MYT1L: variants seen among roughly 807,000 people sequenced by gnomAD.
The protein encoded by MYT1L is myelin transcription factor 1 like.
In MYT1L, 12 loss-of-function variants were observed where a neutral mutation model predicts 126.7. The ratio of observed to expected loss-of-function variants is 0.09; its 90% CI spans 0.06 to 0.15. MYT1L has a LOEUF of 0.15. MYT1L is among the 10% of genes least tolerant of loss of function. The pLI, the probability that MYT1L is intolerant of heterozygous loss-of-function variation, is 1.00. For synonymous variants in MYT1L, 541 were observed against 604.2 expected (o/e 0.90, Z 1.53); for missense variants, 979 against 1,585.2 (o/e 0.62, Z 6.49).
chr2:2,265,300 G>T (rs114026225), intron 2 of MYT1L, among the ~76,000 whole-genome samples: 1 of 151,654 alleles, frequency 6.6e-6, no homozygotes, highest in South Asian at 2.1e-4. Context: ...GAGCCACCGC[G>T]CCTGGCCCAT....
At chr2:2,107,211 A>G (rs2078858517) in intron 3 of MYT1L, among the ~76,000 whole-genome samples, 1 of 152,208 alleles carries the variant, frequency 6.6e-6, no homozygotes, top group African/African-American at 2.4e-5. Context: ...TGGGCAGGGA[A>G]GACCATCACC....
chr2:2,121,069 C>T (rs2080932023), intron 3 of MYT1L, among the ~76,000 whole-genome samples: 1 of 152,206 alleles, frequency 6.6e-6, no homozygotes, highest in Non-Finnish European at 1.5e-5. Context: ...GCCCCCCAGC[C>T]CGTGGATCGA....
At chr2:2,120,394 T>C (rs565025905) in intron 3 of MYT1L, among the ~76,000 whole-genome samples, 1 of 152,222 alleles carries the variant, frequency 6.6e-6, no homozygotes, top group South Asian at 2.1e-4. Context: ...GACTATAACT[T>C]AACCTGTTTC....
Position 2,224,452 on chromosome 2 carries a change from G to A in MYT1L, c.-420-51464C>T, listed in dbSNP as rs1271245300. On this transcript the variant is annotated intron_variant, in intron 2 of 24. Transcript: ENST00000647738. The surrounding 1 kb of genome is among the most constrained non-coding windows in gnomAD (Gnocchi z 4.0). Reference sequence around the variant, plus strand: ...TCTTTCTAATTGCAAACGTTTGCCAGTGAGAAGAAAAGGAATTAGATTAGG... The same window carrying A: ...TCTTTCTAATTGCAAACGTTTGCCAATGAGAAGAAAAGGAATTAGATTAGG... Among the ~76,000 whole-genome samples the A allele has an allele frequency of 6.6e-6, 1 of 152,150 alleles. No individual in the cohort carries two copies. The highest frequency in any genetic ancestry group is 2.4e-5 in the African/African-American group (1 of 41,436).
chr2:2,221,632 C>T (rs545879991), intron 2 of MYT1L, among the ~76,000 whole-genome samples: 70 of 152,264 alleles, frequency 4.6e-4, no homozygotes, highest in African/African-American at 1.5e-3. Flanking sequence ...CGGGAGACGC[C>T]GCCCAGGCTC....
intron 5 of MYT1L, among the ~76,000 whole-genome samples, chr2:1,990,528 A>G (rs1364031831): frequency 1.3e-5 from 2 of 152,166 alleles, no homozygotes; most frequent in Admixed American, 6.5e-5. Flanking sequence ...AGTGGGGAAG[A>G]GTGGGGTAAG....
chr2:1,949,349 T>C (rs2057525142), intron 8 of MYT1L, among the ~76,000 whole-genome samples: 1 of 152,200 alleles, frequency 6.6e-6, no homozygotes, highest in South Asian at 2.1e-4. Flanking sequence ...GGGTTACACA[T>C]GGAGGCCTGG....
At chr2:1,923,295 A>G (rs919280485) in intron 9 of MYT1L, 32 bp from the exon 10 acceptor site, 2 of 1,526,620 alleles carry the variant, frequency 1.3e-6, no homozygotes, top group Non-Finnish European at 1.8e-6. Context: ...CAAAAAAGAA[A>G]AGAAAAGGAA....
At chr2:2,068,769 GTTTTTTTTT>G (rs55838351) in intron 3 of MYT1L, among the ~76,000 whole-genome samples, 3 of 26,182 alleles carry the variant, frequency 1.1e-4, no homozygotes, top group South Asian at 2.9e-3. Flanking sequence ...TGTTCTTCTT[GTTTTTTTTT>G]TTTTTTTTTT....
At chr2:2,098,921 A>T (rs867995981) in intron 3 of MYT1L, among the ~76,000 whole-genome samples, 1 of 152,186 alleles carries the variant, frequency 6.6e-6, no homozygotes, top group African/African-American at 2.4e-5. Flanking sequence ...ACCCACCAAC[A>T]ACTTTATCCC....
intron 2 of MYT1L, among the ~76,000 whole-genome samples, chr2:2,236,924 G>A (rs956719100): frequency 2.7e-5 from 4 of 150,506 alleles, no homozygotes; most frequent in African/African-American, 7.3e-5. Context: ...AGTAATTCTC[G>A]TGCCGCAGTC....
intron 18 of MYT1L, among the ~76,000 whole-genome samples, chr2:1,881,188 C>T (rs982532997): frequency 2.0e-5 from 3 of 152,182 alleles, no homozygotes; most frequent in African/African-American, 4.8e-5. Flanking sequence ...GGACCCTCCC[C>T]ACTTGTAGCC....
chr2:2,235,559 CT>C (rs2094275373), intron 2 of MYT1L, among the ~76,000 whole-genome samples: 1 of 152,190 alleles, frequency 6.6e-6, no homozygotes, highest in African/African-American at 2.4e-5. Flanking sequence ...GGCACTAACT[CT>C]GGACCTGTGT....
intron 2 of MYT1L, among the ~76,000 whole-genome samples, chr2:2,182,240 C>T (rs2091616143): frequency 6.6e-6 from 1 of 152,144 alleles, no homozygotes; most frequent in South Asian, 2.1e-4. Flanking sequence ...GATCTGATTT[C>T]AGTGGCTTAG....
At chr2:2,042,912 G>A (rs1309776320) in intron 4 of MYT1L, among the ~76,000 whole-genome samples, 6 of 152,192 alleles carry the variant, frequency 3.9e-5, no homozygotes, top group Non-Finnish European at 8.8e-5. Flanking sequence ...CCTGCAGGCA[G>A]GGTCTTCCCA....
intron 2 of MYT1L, among the ~76,000 whole-genome samples, chr2:2,207,738 C>T (rs2093368894): frequency 6.6e-6 from 1 of 152,146 alleles, no homozygotes; most frequent in African/African-American, 2.4e-5. Context: ...CCAGAAAATA[C>T]ACAAATGCAG....
intron 18 of MYT1L, among the ~76,000 whole-genome samples, chr2:1,875,794 G>A (rs908288712): frequency 3.0e-4 from 46 of 152,160 alleles, no homozygotes; most frequent in African/African-American, 9.6e-4. Flanking sequence ...CCTAAGCCTC[G>A]GCCTGCTTTG....
At chr2:2,280,172 T>C (rs2095427670) in intron 2 of MYT1L, among the ~76,000 whole-genome samples, 1 of 152,224 alleles carries the variant, frequency 6.6e-6, no homozygotes. Flanking sequence ...CTGAGAAGTT[T>C]TTCTTCCCAT....
rs530473751 is a variant in MYT1L, at chr2:2,298,320, A to G, written c.-520-13817T>C. Among the ~76,000 whole-genome samples, 5 of 152,366 alleles carry G rather than the reference A, an allele frequency of 3.3e-5. No homozygotes were observed. In the East Asian group the frequency reaches 9.6e-4, roughly 29 times the overall value. On this transcript the variant is annotated intron_variant, in intron 1 of 24. Coordinates refer to ENST00000647738, the MANE Select transcript of MYT1L (RefSeq NM_001303052.2). Reference sequence around the variant, plus strand: ...ATGCTAGAAGTACAAAAACTTAAACAGTGAAAACTTATGTGATAAGAGATG... The same window carrying G: ...ATGCTAGAAGTACAAAAACTTAAACGGTGAAAACTTATGTGATAAGAGATG...
Sources: gnomAD v4.1 joint callset for allele counts (sites outside exome capture counted in the v4.1 genomes callset) on GRCh38, gnomAD v4.1.1 for gene constraint, Gnocchi (gnomAD v3.1) non-coding constraint, MANE v1.5 for transcripts, NCBI Gene and HGNC (gene_info 2026-07-23, HGNC 2026-07-21) for gene names.